The following USP54 variants were observed in gnomAD, a reference collection of about 807,000 sequenced individuals.
USP54 encodes the protein ubiquitin specific peptidase 54.
A neutral mutation model predicts 170.5 loss-of-function variants in USP54; 87 were observed. The observed-to-expected ratio is 0.51, with a 90% CI of 0.43 to 0.61. The LOEUF (loss-of-function observed/expected upper bound fraction) is 0.61. USP54 is among the 20% of genes least tolerant of loss of function. The pLI is 0.00. For synonymous variants in USP54, 655 were observed against 742.8 expected, an observed-to-expected ratio of 0.88 and a Z score of 1.92; for missense variants, 1,786 against 2,047.8, an observed-to-expected ratio of 0.87 and a Z score of 2.47.
intron 11 of USP54, 56 bp downstream of exon 11, chr10:73,536,213 A>G (rs1002570529): frequency 1.3e-6 from 2 of 1,593,948 alleles, no homozygotes; most frequent in Non-Finnish European, 1.7e-6. Flanking sequence ...ATGAGTCCCA[A>G]CTGTTTGATC....
At chr10:73,505,144 C>A in intron 21 of USP54, 154 bp from the exon 22 acceptor site, 2 of 1,281,110 alleles carry the variant, frequency 1.6e-6, no homozygotes, top group Non-Finnish European at 2.2e-6. Context: ...GGCCATGTAA[C>A]AATCTCCTCT....
At chr10:73,606,033 C>G (rs1162143635) in intron 1 of USP54, among the ~76,000 whole-genome samples, 1 of 151,602 alleles carries the variant, frequency 6.6e-6, no homozygotes, top group African/African-American at 2.4e-5. Context: ...CAAAAATTAG[C>G]CAGGCGTGGT....
chr10:73,512,286 G>A (rs182220722), intron 20 of USP54, among the ~76,000 whole-genome samples: 112 of 151,736 alleles, frequency 7.4e-4, no homozygotes, highest in Non-Finnish European at 1.0e-3. Flanking sequence ...CTACTGACCC[G>A]CACCACCACA....
At chr10:73,543,946 CT>C (rs1162232618) in intron 5 of USP54, among the ~76,000 whole-genome samples, 1,725 of 143,590 alleles carry the variant, frequency 0.012, 18 homozygotes, top group South Asian at 0.031. Context: ...ACCACATAAC[CT>C]TTTTTTTTTT....
chr10:73,531,751 C>T (rs1433078708), intron 12 of USP54, among the ~76,000 whole-genome samples: 1 of 152,180 alleles, frequency 6.6e-6, no homozygotes, highest in African/African-American at 2.4e-5. Flanking sequence ...CTTCATAGTT[C>T]CTTAATACTA....
intron 5 of USP54, 152 bp downstream of exon 5, chr10:73,545,386 G>A: frequency 9.7e-7 from 1 of 1,031,898 alleles, no homozygotes; most frequent in Non-Finnish European, 1.4e-6. Flanking sequence ...CTATAACAGA[G>A]ACATTTTAGA....
intron 4 of USP54, among the ~76,000 whole-genome samples, chr10:73,566,398 T>G (rs947429531): frequency 1.3e-5 from 2 of 151,898 alleles, no homozygotes; most frequent in Non-Finnish European, 1.5e-5. Flanking sequence ...AATTTTAAAA[T>G]TAGATTAAGA....
At chr10:73,579,782 A>C (rs4497323) in intron 1 of USP54, among the ~76,000 whole-genome samples, 5,544 of 152,084 alleles carry the variant, frequency 0.036, 162 homozygotes, top group East Asian at 0.12. Flanking sequence ...ACAACAACAA[A>C]AAAAAACTAC....
intron 17 of USP54, 139 bp from the exon 18 acceptor site, chr10:73,521,166 G>A: frequency 1.7e-6 from 2 of 1,205,714 alleles, no homozygotes; most frequent in Non-Finnish European, 2.3e-6. Context: ...TTCCTATTAA[G>A]AATTATCTGA....
At chr10:73,536,504 T>C (rs1373420831) in intron 10 of USP54, 67 bp from the exon 11 acceptor site, 4 of 1,415,450 alleles carry the variant, frequency 2.8e-6, no homozygotes, top group African/African-American at 1.5e-5. Context: ...AACATATCTT[T>C]CTGTTCTGTA....
At chr10:73,530,950 G>C in intron 12 of USP54, 115 bp from the exon 13 acceptor site, 2 of 1,419,776 alleles carry the variant, frequency 1.4e-6, no homozygotes, top group Non-Finnish European at 1.9e-6. Flanking sequence ...CCATGGAACA[G>C]AAGCTGTAGG....
chr10:73,522,318 A>AT (rs1165951197), intron 17 of USP54, among the ~76,000 whole-genome samples: 2 of 152,146 alleles, frequency 1.3e-5, no homozygotes, highest in Non-Finnish European at 2.9e-5. Flanking sequence ...GCGTAGAGCC[A>AT]TTTTTTTTAA....
chr10:73,573,814 A>T (rs2075668761), intron 3 of USP54, among the ~76,000 whole-genome samples: 2 of 152,338 alleles, frequency 1.3e-5, no homozygotes, highest in South Asian at 4.1e-4. Flanking sequence ...TTTATTACCT[A>T]GATAAGCTTG....
intron 1 of USP54, among the ~76,000 whole-genome samples, chr10:73,619,569 T>C (rs1303985206): frequency 6.7e-6 from 1 of 149,556 alleles, no homozygotes; most frequent in African/African-American, 2.5e-5. Flanking sequence ...GAAAGTTCTC[T>C]AGGGAGAACT....
chr10:73,529,059 A>G (rs1458991278), intron 15 of USP54: 1 of 152,414 alleles, frequency 6.6e-6, no homozygotes, highest in African/African-American at 2.4e-5. Context: ...TGAAAAATAC[A>G]GAAATCTTCA....
At chr10:73,529,616 G>C in intron 15 of USP54, 64 bp downstream of exon 15, 1 of 1,588,358 alleles carries the variant, frequency 6.3e-7, no homozygotes, top group Non-Finnish European at 8.6e-7. Context: ...ATGCCTGAAA[G>C]CCCCAAGTAG....
chr10:73,538,166 C>G (rs2065701713), intron 10 of USP54: 1 of 151,934 alleles, frequency 6.6e-6, no homozygotes, highest in East Asian at 1.9e-4. Context: ...GATCGCGCCC[C>G]TACACCCCAA....
intron 1 of USP54, among the ~76,000 whole-genome samples, chr10:73,625,159 A>G (rs534780508): frequency 3.9e-5 from 6 of 152,296 alleles, no homozygotes; most frequent in Non-Finnish European, 7.3e-5. Flanking sequence ...TTCCAACTCA[A>G]TACGCTTCAG....
chr10:73,574,960 T>C (rs111654503), intron 3 of USP54, among the ~76,000 whole-genome samples: 5,344 of 151,538 alleles, frequency 0.035, 151 homozygotes, highest in South Asian at 0.12. Context: ...GGCACGGTGG[T>C]TCATGCCTGT....
Sources: gnomAD v4.1 joint callset for allele counts (sites outside exome capture counted in the v4.1 genomes callset) on GRCh38, gnomAD v4.1.1 for gene constraint, MANE v1.5 for transcripts, NCBI Gene and HGNC (gene_info 2026-07-23, HGNC 2026-07-21) for gene names.